PRKG1: variants seen among roughly 807,000 people sequenced by gnomAD.
PRKG1 encodes the protein cGMP-dependent protein kinase 1.
PRKG1 carries 35 observed loss-of-function variants against 88.1 expected under a neutral mutation model. The observed-to-expected ratio is 0.40, with a 90% confidence interval of 0.30 to 0.53. PRKG1 has a LOEUF of 0.53. PRKG1 is among the 20% of genes least tolerant of loss of function. The pLI is 0.59. For missense variants in PRKG1, 540 were observed against 839.8 expected (o/e 0.64, Z 4.41); for synonymous variants, 303 against 292.5 (o/e 1.04, Z -0.37).
chr10:51,652,260 T>G (rs903573354), intron 3 of PRKG1, among the ~76,000 whole-genome samples: 2 of 152,070 alleles, frequency 1.3e-5, no homozygotes, highest in Non-Finnish European at 2.9e-5. Flanking sequence ...TGGAATGATG[T>G]TAATATTTTT....
rs1245705985 is a variant in PRKG1 at position 52,250,723 on chromosome 10, T to TA, written c.1077-842dup. The stretch of plus-strand genomic sequence containing the variant: ...CATCTTTATGCCTTCCTGTCCTTTC[T>TA]AAAAATAGCAGGGCCTTTGACAAGG... On this transcript the variant is annotated intron_variant, in intron 9 of 17. Coordinates refer to ENST00000373980, the MANE Select transcript of PRKG1 (RefSeq NM_006258.4). 2.6e-5 allele frequency among the ~76,000 whole-genome samples: 4 copies of TA among 152,302 alleles called. No individual in the cohort carries two copies. The East Asian group carries it at 7.7e-4, about 29-fold the overall frequency.
At chr10:51,545,629 A>G (rs1034992452) in intron 3 of PRKG1, among the ~76,000 whole-genome samples, 1 of 152,172 alleles carries the variant, frequency 6.6e-6, no homozygotes. Flanking sequence ...TTGTTGCCAG[A>G]ATAAATATCT....
chr10:51,947,415 C>T (rs929771841), intron 5 of PRKG1, among the ~76,000 whole-genome samples: 3 of 152,176 alleles, frequency 2.0e-5, no homozygotes, highest in Non-Finnish European at 2.9e-5. Context: ...CTTGCACTTC[C>T]CAAGTGAGGC....
chr10:52,089,900 T>C (rs142349372), intron 7 of PRKG1, among the ~76,000 whole-genome samples: 20,679 of 142,728 alleles, frequency 0.14, 2,030 homozygotes, highest in East Asian at 0.32. Context: ...CTGCAACCTC[T>C]GCCTGCCACG....
chr10:51,429,283 C>T (rs1393403952), intron 2 of PRKG1, among the ~76,000 whole-genome samples: 6 of 152,062 alleles, frequency 3.9e-5, no homozygotes, highest in Admixed American at 3.9e-4. Flanking sequence ...ACATAAACAC[C>T]CTCATGGGGA....
intron 5 of PRKG1, among the ~76,000 whole-genome samples, chr10:52,016,560 G>A (rs959041726): frequency 2.0e-5 from 3 of 152,230 alleles, no homozygotes; most frequent in African/African-American, 7.2e-5. Flanking sequence ...GTGAAAGAAC[G>A]ACAGGCATAA....
At chr10:51,056,992 A>G (rs926192964) in intron 1 of PRKG1, among the ~76,000 whole-genome samples, 1 of 152,212 alleles carries the variant, frequency 6.6e-6, no homozygotes, top group African/African-American at 2.4e-5. Context: ...TTCTACTAAA[A>G]TCTTCTTTTC....
At chr10:52,141,394 G>A (rs1564487196) in intron 8 of PRKG1, among the ~76,000 whole-genome samples, 1 of 152,092 alleles carries the variant, frequency 6.6e-6, no homozygotes, top group Non-Finnish European at 1.5e-5. Flanking sequence ...CTTTGAAATG[G>A]TAATAGACAT....
intron 9 of PRKG1, among the ~76,000 whole-genome samples, chr10:52,204,097 A>AC (rs1209618731): frequency 7.5e-4 from 46 of 60,950 alleles, no homozygotes; most frequent in East Asian, 1.7e-3. Flanking sequence ...TATTATTATT[A>AC]TTATTATTAT....
intron 9 of PRKG1, among the ~76,000 whole-genome samples, chr10:52,180,795 G>A (rs530337294): frequency 6.6e-6 from 1 of 152,250 alleles, no homozygotes; most frequent in Admixed American, 6.5e-5. Flanking sequence ...TTTGAGGTCC[G>A]GCTCACAGGG....
intron 4 of PRKG1, among the ~76,000 whole-genome samples, chr10:51,856,149 TA>T (rs924988928): frequency 2.2e-4 from 34 of 152,302 alleles, no homozygotes; most frequent in African/African-American, 7.7e-4. Context: ...TTCTCTCCCA[TA>T]AGGACCCTTG....
At chr10:51,043,475 A>T (rs1843451005) in intron 1 of PRKG1, among the ~76,000 whole-genome samples, 1 of 152,188 alleles carries the variant, frequency 6.6e-6, no homozygotes, top group South Asian at 2.1e-4. Context: ...AGTAAGCTAT[A>T]GTCATCCTTT....
chr10:52,267,883 C>T (rs77225183), intron 10 of PRKG1, among the ~76,000 whole-genome samples: 4,481 of 152,070 alleles, frequency 0.029, 293 homozygotes, highest in East Asian at 0.23. Context: ...TAAATTTTTC[C>T]ATTAGAAACA....
At chr10:51,031,385 C>T (rs550990575) in intron 1 of PRKG1, among the ~76,000 whole-genome samples, 8 of 152,032 alleles carry the variant, frequency 5.3e-5, no homozygotes, top group Admixed American at 2.6e-4. Flanking sequence ...TAGACCTTGG[C>T]GATAGACCAA....
chr10:52,023,454 T>C (rs1277492798), intron 5 of PRKG1, among the ~76,000 whole-genome samples: 6 of 152,198 alleles, frequency 3.9e-5, no homozygotes, highest in African/African-American at 1.4e-4. Context: ...CTGGGTCAAA[T>C]GGTATTTCTA....
chr10:51,170,769 G>T, intron 2 of PRKG1, among the ~76,000 whole-genome samples: 1 of 132,372 alleles, frequency 7.6e-6, no homozygotes, highest in East Asian at 2.8e-4. Context: ...AGGGGTGGGG[G>T]GGTGGGGGAG....
Position 51,557,376 on chromosome 10 carries a change from A to G in PRKG1, c.592+89540A>G, listed in dbSNP as rs556351176. On this transcript the variant is annotated intron_variant, in intron 3 of 17. Coordinates refer to ENST00000373980, the MANE Select transcript of PRKG1 (RefSeq NM_006258.4). ...CCACCACCCACACACAAAAACTCAT[A>G]ATTAGTACTGCCTTTGGGTAGTTAC... 5.3e-5 allele frequency among the ~76,000 whole-genome samples: 8 copies of G among 151,894 alleles called. No individual in the cohort carries two copies. In the East Asian group the frequency reaches 9.8e-4, roughly 19 times the overall value.
chr10:52,210,532 G>A (rs1203858578), intron 9 of PRKG1, among the ~76,000 whole-genome samples: 3 of 152,062 alleles, frequency 2.0e-5, no homozygotes, highest in Middle Eastern at 3.2e-3. Context: ...ATTTGTTAAT[G>A]CCTTTATTTC....
intron 1 of PRKG1, chr10:51,148,390 T>C (rs1845989935): frequency 2.5e-6 from 1 of 404,760 alleles, no homozygotes; most frequent in Non-Finnish European, 3.3e-6. Context: ...TTGTGCTACA[T>C]TTTCAGATTG....
Sources: gnomAD v4.1 joint callset for allele counts (sites outside exome capture counted in the v4.1 genomes callset) on GRCh38, gnomAD v4.1.1 for gene constraint, MANE v1.5 for transcripts, NCBI Gene and HGNC (gene_info 2026-07-23, HGNC 2026-07-21) for gene names.